ADGRL1: variants seen among roughly 807,000 people sequenced by gnomAD.
ADGRL1 encodes the protein adhesion G protein-coupled receptor L1.
A neutral mutation model predicts 148.9 loss-of-function variants in ADGRL1; 31 were observed. The ratio of observed to expected loss-of-function variants is 0.21; its 90% confidence interval spans 0.16 to 0.28. ADGRL1 has a LOEUF of 0.28. ADGRL1 is among the 10% of genes least tolerant of loss of function. The pLI, the probability that ADGRL1 is intolerant of heterozygous loss-of-function variation, is 1.00. For synonymous variants in ADGRL1, 937 were observed against 900.3 expected (o/e 1.04, Z -0.73); for missense variants, 1,521 against 2,058.8 (o/e 0.74, Z 5.05).
chr19:14,180,010 G>A (rs1971080839), intron 2 of ADGRL1, among the ~76,000 whole-genome samples: 1 of 152,292 alleles, frequency 6.6e-6, no homozygotes, highest in Middle Eastern at 3.4e-3. Flanking sequence ...GACTTCTAGA[G>A]ATGCTAGAGA....
At position 14,159,186 on chromosome 19, in the gene ADGRL1, C is replaced by T; in HGVS notation, c.2053G>A (p.Gly685Ser). ...VLEVTVLNTE[G>S]QVQELVFPQE... Reference sequence around the variant, plus strand: ...GGGAACACCAGCTCCTGCACCTGGCCCTCTGTGTTCAGGACTGTGACCTCC... The same window carrying T: ...GGGAACACCAGCTCCTGCACCTGGCTCTCTGTGTTCAGGACTGTGACCTCC... Residue 685 changes from glycine (G) to serine (S), a missense_variant, in exon 11 of 23, where the codon GGC (glycine) becomes AGC (serine). Gly to Ser is a moderately conservative substitution (Grantham distance 56). Transcript: ENST00000361434. The surrounding 1 kb of genome is among the most constrained non-coding windows in gnomAD (Gnocchi z 6.0). The T allele has an allele frequency of 6.2e-7, 1 of 1,614,068 alleles. No individual in the cohort carries two copies.
Position 14,159,856 on chromosome 19 carries a change from T to G in ADGRL1, c.1801-83A>C. The G allele has an allele frequency of 1.6e-6, 2 of 1,280,314 alleles. No homozygotes were observed. The highest frequency in any genetic ancestry group is 1.1e-6 in the Non-Finnish European group (1 of 878,182). 79.3% of individuals were successfully genotyped at this position (1,280,314 alleles called of 1,614,324 possible). ...TAATACTGTCACATCTGGATAGCTC[T>G]CTCGTCTGCGGTTACCACTGACCCA... is the stretch of plus-strand genomic sequence containing the variant. On this transcript the variant is annotated intron_variant, in intron 8 of 22. Coordinates refer to ENST00000361434, the MANE Select transcript of ADGRL1 (RefSeq NM_014921.5). The surrounding 1 kb of genome is among the most constrained non-coding windows in gnomAD (Gnocchi z 6.0).
chr19:14,166,953 TA>T, intron 4 of ADGRL1: 1 of 1,561,184 alleles, frequency 6.4e-7, no homozygotes, highest in Non-Finnish European at 8.8e-7. Flanking sequence ...GCAGGTCACA[TA>T]AGTATGGTAC....
intron 1 of ADGRL1, among the ~76,000 whole-genome samples, chr19:14,190,860 G>A (rs533803635): frequency 1.5e-4 from 23 of 152,254 alleles, no homozygotes; most frequent in South Asian, 6.2e-4. Flanking sequence ...GGCCGAGGAG[G>A]GCAGATCACC....
intron 1 of ADGRL1, among the ~76,000 whole-genome samples, chr19:14,204,734 GA>G (rs1972860346): frequency 4.9e-5 from 7 of 142,660 alleles, no homozygotes; most frequent in Non-Finnish European, 7.9e-5. Flanking sequence ...GAGAGAGAGA[GA>G]GAGAGACAGA....
chr19:14,175,354 G>A (rs79609785), intron 3 of ADGRL1, among the ~76,000 whole-genome samples: 1,835 of 146,934 alleles, frequency 0.012, 33 homozygotes, highest in African/African-American at 0.045. Flanking sequence ...CACAGACACA[G>A]TTAAATACAC....
At chr19:14,197,657 C>T (rs1335440426) in intron 1 of ADGRL1, among the ~76,000 whole-genome samples, 2 of 152,172 alleles carry the variant, frequency 1.3e-5, no homozygotes, top group African/African-American at 2.4e-5. Context: ...TCTCTCATAT[C>T]CACTCTCACA....
In ADGRL1 at chr19:14,157,803, C is replaced by T. The variant is rs1327194216; in HGVS notation, c.2535+79G>A. 17 of 1,527,518 alleles carry T rather than the reference C, an allele frequency of 1.1e-5. No homozygotes were observed. The highest frequency in any genetic ancestry group is 9.6e-5 in the African/African-American group (7 of 73,118). 94.6% of individuals were successfully genotyped at this position (1,527,518 alleles called of 1,614,324 possible). ...GGGGCTAGCCTCCCCTGGTACTGCC[C>T]GTGATCTCTCTAGGATGCCATGCAA... On this transcript the variant is annotated intron_variant, in intron 13 of 22. Coordinates refer to ENST00000361434, the MANE Select transcript of ADGRL1 (RefSeq NM_014921.5). The surrounding 1 kb of genome is among the most constrained non-coding windows in gnomAD (Gnocchi z 7.5).
intron 4 of ADGRL1, among the ~76,000 whole-genome samples, chr19:14,164,332 G>A (rs2144778070): frequency 6.6e-6 from 1 of 152,264 alleles, no homozygotes; most frequent in Admixed American, 6.5e-5. Context: ...GGGAGGGAGA[G>A]GAGAGCTGTG....
rs1967823606 is a variant in ADGRL1 at position 14,148,524 on chromosome 19, GC to G, written c.*2348del. The G allele has an allele frequency of 6.5e-6, 1 of 152,690 alleles. No individual in the cohort carries two copies. The highest frequency in any genetic ancestry group is 1.5e-5 in the Non-Finnish European group (1 of 68,458). 9.5% of individuals were successfully genotyped at this position (152,690 alleles called of 1,614,324 possible). A position where few individuals can be genotyped will look rare whatever the true frequency, so the allele number is the denominator to read the frequency against. ...AGCTCCTCGCCTGCTCATGCCTCCT[GC>G]CCGCTCTTCACAGACCTCTGACCAC... is the stretch of plus-strand genomic sequence containing the variant. On this transcript the variant is annotated 3_prime_UTR_variant, in exon 23 of 23. Coordinates refer to ENST00000361434, the MANE Select transcript of ADGRL1 (RefSeq NM_014921.5).
In ADGRL1 at chr19:14,150,187, G is replaced by A. The variant is rs1968029151; in HGVS notation, c.*686C>T. 6.5e-6 allele frequency: 1 copy of A among 152,784 alleles called. No individual in the cohort carries two copies. Among genetic ancestry groups the A allele is most frequent in the African/African-American group, 2.4e-5 (1 of 41,422 alleles). The allele number at this position is 152,784 out of a possible 1,614,324, so 9.5% of individuals were successfully genotyped here. A position where few individuals can be genotyped will look rare whatever the true frequency, so the allele number is the denominator to read the frequency against. On this transcript the variant is annotated 3_prime_UTR_variant, in exon 23 of 23. Transcript: ENST00000361434. ...TGCTTCATCAGGAGTCGCCCCAAGG[G>A]AGGGGGTCATTGGGTGCACTGGGAG...
intron 16 of ADGRL1, 134 bp downstream of exon 16, chr19:14,156,524 C>T: frequency 1.4e-6 from 1 of 701,814 alleles, no homozygotes; most frequent in South Asian, 1.7e-5. Flanking sequence ...CAGCCGGTGG[C>T]TCAGTTCCGA....
In ADGRL1 at chr19:14,155,816, T is replaced by C; in HGVS notation, c.3126-289A>G. 2 of 577,396 alleles carry C rather than the reference T, an allele frequency of 3.5e-6. No individual in the cohort carries two copies. 35.8% of individuals were successfully genotyped at this position (577,396 alleles called of 1,614,324 possible). ...AATTTCCAGACCACTTAGGCTATAT[T>C]TGCTGCCTATTTCTCTTTAAGTTGC... is the stretch of plus-strand genomic sequence containing the variant. On this transcript the variant is annotated intron_variant, in intron 17 of 22. Transcript: ENST00000361434. The surrounding 1 kb of genome is among the most constrained non-coding windows in gnomAD (Gnocchi z 5.0).
intron 3 of ADGRL1, among the ~76,000 whole-genome samples, chr19:14,172,854 C>T (rs773831551): frequency 2.6e-5 from 4 of 152,138 alleles, no homozygotes; most frequent in South Asian, 2.1e-4. Context: ...TCAACTGTCA[C>T]GGTTTCACAG....
intron 1 of ADGRL1, chr19:14,191,291 T>C: frequency 2.2e-6 from 1 of 456,700 alleles, no homozygotes; most frequent in South Asian, 1.5e-5. Flanking sequence ...TGTATTACAG[T>C]GCCCTGCAGT....
chr19:14,151,190 C>A lies in ADGRL1; in HGVS notation c.4093G>T (p.Ala1365Ser). The A allele has an allele frequency of 1.9e-6, 3 of 1,610,232 alleles. No individual in the cohort carries two copies. The highest frequency in any genetic ancestry group is 2.5e-6 in the Non-Finnish European group (3 of 1,179,182). Residue 1365 changes from alanine (A) to serine (S), a missense_variant, in exon 23 of 23, where the codon GCC becomes TCC. Physicochemically the swap from Ala to Ser is moderately conservative, Grantham distance 99. Coordinates refer to ENST00000361434, the MANE Select transcript of ADGRL1 (RefSeq NM_014921.5). The stretch of plus-strand genomic sequence containing the variant: ...GGGGAGGAGAGGGGCCGGCTGGTGG[C>A]GCCGTCCTCGGCCGTGCAGCTCTCC... The part of the protein sequence containing the change: ...ESESCTAEDG[A>S]TSRPLSSPPG...
intron 1 of ADGRL1, among the ~76,000 whole-genome samples, chr19:14,187,261 C>A (rs762933113): frequency 6.6e-6 from 1 of 152,166 alleles, no homozygotes; most frequent in Non-Finnish European, 1.5e-5. Flanking sequence ...ACTGGTTGAA[C>A]CTGAGAGGTA....
intron 1 of ADGRL1, among the ~76,000 whole-genome samples, chr19:14,204,398 C>G (rs899926541): frequency 2.6e-5 from 4 of 151,870 alleles, no homozygotes; most frequent in African/African-American, 9.7e-5. Flanking sequence ...TGGGGTTGAT[C>G]AATTCAGGGG....
At chr19:14,166,138 C>T (rs1295306543) in intron 4 of ADGRL1, among the ~76,000 whole-genome samples, 1 of 152,060 alleles carries the variant, frequency 6.6e-6, no homozygotes, top group East Asian at 1.9e-4. Context: ...CTAACCACAA[C>T]AGCCCAGAAG....
Sources: gnomAD v4.1 joint callset for allele counts (sites outside exome capture counted in the v4.1 genomes callset) on GRCh38, gnomAD v4.1.1 for gene constraint, Gnocchi (gnomAD v3.1) non-coding constraint, MANE v1.5 for transcripts, NCBI Gene and HGNC (gene_info 2026-07-23, HGNC 2026-07-21) for gene names.